Variants in CYB5D2 observed in about 807,000 individuals in gnomAD.
CYB5D2 encodes the protein cytochrome b5 domain containing 2.
In CYB5D2, 23 loss-of-function variants were observed where a neutral mutation model predicts 22.8. That is an observed-to-expected ratio of 1.01 (90% CI 0.73 to 1.43). The LOEUF (loss-of-function observed/expected upper bound fraction) is 1.43. CYB5D2 is among the 40% of genes most tolerant of loss of function. The probability of loss-of-function intolerance (pLI) is 0.00; values close to 1 mark genes in which losing one functional copy is unlikely to be tolerated. For missense variants in CYB5D2, 373 were observed against 357.2 expected (o/e 1.04, Z -0.36); for synonymous variants, 170 against 152.2 (o/e 1.12, Z -0.86).
chr17:4,152,313 G>A (rs1270912474), intron 2 of CYB5D2, among the ~76,000 whole-genome samples: 4 of 152,180 alleles, frequency 2.6e-5, no homozygotes, highest in Non-Finnish European at 5.9e-5. Flanking sequence ...AGCTCATTCT[G>A]TAGGATAGGG....
At chr17:4,146,722 T>A (rs2058996846) in intron 1 of CYB5D2, among the ~76,000 whole-genome samples, 1 of 151,098 alleles carries the variant, frequency 6.6e-6, no homozygotes, top group South Asian at 2.1e-4. Flanking sequence ...TAGCCAGAAA[T>A]TTGTAAAAAT....
chr17:4,146,158 C>T (rs1178553053), intron 1 of CYB5D2, among the ~76,000 whole-genome samples: 1 of 152,106 alleles, frequency 6.6e-6, no homozygotes, highest in Non-Finnish European at 1.5e-5. Flanking sequence ...TGCGGTGGCG[C>T]AATCTTGGCT....
chr17:4,146,559 T>A (rs112544314), intron 1 of CYB5D2, among the ~76,000 whole-genome samples: 2,716 of 151,826 alleles, frequency 0.018, 37 homozygotes, highest in African/African-American at 0.039. Flanking sequence ...CCTGGCTAAG[T>A]TTTTGTATTT....
Position 4,144,413 on chromosome 17 carries a change from T to C in CYB5D2, c.250+408T>C, listed in dbSNP as rs577773145. The stretch of plus-strand genomic sequence containing the variant: ...CAACCATCTCTTCATTATGCCCTGG[T>C]CCCAAATAATCTTTCTTCCCCCCAC... On this transcript the variant is annotated intron_variant, in intron 1 of 3. Transcript: ENST00000301391. Among the ~76,000 whole-genome samples, 22 of 152,098 alleles carry C rather than the reference T, an allele frequency of 1.4e-4. No homozygotes were observed. The South Asian group carries it at 4.6e-3, about 32-fold the overall frequency.
At position 4,156,967 on chromosome 17, in the gene CYB5D2, G is replaced by A; in HGVS notation, c.680G>A (p.Ser227Asn). 6.2e-7 allele frequency: 1 copy of A among 1,612,880 alleles called. No homozygotes were observed. The change falls in exon 4 of 4, where the codon AGT (serine) becomes AAT (asparagine). Residue 227 changes from serine to asparagine, a missense_variant. Coordinates refer to ENST00000301391, the MANE Select transcript of CYB5D2 (RefSeq NM_144611.4). ...TGTGTGAGAACCACCGGCCCCCCTA[G>A]TGGCCAGATGCCGGACAACCCTCCA... ...CVCVRTTGPPSGQMPDNPPHR... is the reference protein window; with the variant it reads ...CVCVRTTGPPNGQMPDNPPHR...
intron 2 of CYB5D2, among the ~76,000 whole-genome samples, chr17:4,153,414 C>T (rs2059079502): frequency 6.6e-6 from 1 of 152,092 alleles, no homozygotes; most frequent in South Asian, 2.1e-4. Context: ...GGGGACGTAG[C>T]TTGTAAGAGG....
chr17:4,153,132 T>C (rs1391255758), intron 2 of CYB5D2, among the ~76,000 whole-genome samples: 2 of 152,104 alleles, frequency 1.3e-5, no homozygotes, highest in Non-Finnish European at 2.9e-5. Context: ...CATAGACAAG[T>C]AAACAGATTG....
At chr17:4,151,955 G>A (rs527727964) in intron 2 of CYB5D2, among the ~76,000 whole-genome samples, 9 of 150,408 alleles carry the variant, frequency 6.0e-5, no homozygotes, top group South Asian at 2.1e-4. Context: ...GCGATAAGCC[G>A]AGATCACATC....
intron 3 of CYB5D2, 97 bp downstream of exon 3, chr17:4,154,957 T>C: frequency 7.6e-7 from 1 of 1,312,518 alleles, no homozygotes; most frequent in Non-Finnish European, 1.0e-6. Context: ...AATTGATTGT[T>C]AACCCTGGGG....
intron 2 of CYB5D2, among the ~76,000 whole-genome samples, chr17:4,151,851 A>G (rs971530313): frequency 1.3e-5 from 2 of 151,234 alleles, no homozygotes; most frequent in African/African-American, 4.9e-5. Context: ...CTATAAATAC[A>G]AAAAATTAGC....
chr17:4,148,516 CAAAAAAAAAA>C (rs34632039), intron 1 of CYB5D2, among the ~76,000 whole-genome samples: 30,398 of 103,190 alleles, frequency 0.29, 3,317 homozygotes, highest in Middle Eastern at 0.37. Context: ...GACTCAGTCT[CAAAAAAAAAA>C]AAAAAAAAAA....
intron 2 of CYB5D2, 49 bp downstream of exon 2, chr17:4,150,080 T>C: frequency 6.2e-7 from 1 of 1,604,766 alleles, no homozygotes; most frequent in Non-Finnish European, 8.5e-7. Context: ...TGCAGTGTTT[T>C]TAGGGGGCTG....
At chr17:4,151,430 A>T (rs1357735391) in intron 2 of CYB5D2, among the ~76,000 whole-genome samples, 1 of 152,230 alleles carries the variant, frequency 6.6e-6, no homozygotes, top group Non-Finnish European at 1.5e-5. Flanking sequence ...CACACCTGTA[A>T]TCCTAACACT....
intron 3 of CYB5D2, among the ~76,000 whole-genome samples, chr17:4,155,166 G>A (rs1434298694): frequency 6.6e-6 from 1 of 152,178 alleles, no homozygotes; most frequent in Non-Finnish European, 1.5e-5. Flanking sequence ...CCGGGAATGA[G>A]AAGGCACAAG....
chr17:4,143,950 T>A lies in CYB5D2; in HGVS notation c.195T>A (p.Asp65Glu), dbSNP rs1181815042. Residue 65 changes from aspartate (D) to glutamate (E), a missense_variant, in exon 1 of 4, where the codon GAT (aspartate) becomes GAA (glutamate). Transcript: ENST00000301391. ...LYLALLGRVY[D>E]VSSGRRHYEP... ...TGGCGTTGCTCGGCCGTGTCTACGA[T>A]GTGTCCTCCGGCCGGAGGCACTACG... The A allele has an allele frequency of 6.8e-6, 11 of 1,613,232 alleles. No individual in the cohort carries two copies. The East Asian group carries it at 2.5e-4, about 36-fold the overall frequency.
chr17:4,155,162 A>T (rs1035168655), intron 3 of CYB5D2, among the ~76,000 whole-genome samples: 1 of 152,104 alleles, frequency 6.6e-6, no homozygotes, highest in South Asian at 2.1e-4. Context: ...TGACCCGGGA[A>T]TGAGAAGGCA....
chr17:4,153,596 T>C lies in CYB5D2; in HGVS notation c.392-1078T>C, dbSNP rs193016940. Among the ~76,000 whole-genome samples, 92 of 152,250 alleles carry C rather than the reference T, an allele frequency of 6.0e-4. No homozygotes were observed. The East Asian group carries it at 0.013, about 22-fold the overall frequency. On this transcript the variant is annotated intron_variant, in intron 2 of 3. Transcript: ENST00000301391. ...TAGTTGTTTTATGGACAGAGAACTCTAGGAGGGCATGAGCTGACCAGAGAG... is the reference window on the plus strand; with the variant it reads ...TAGTTGTTTTATGGACAGAGAACTCCAGGAGGGCATGAGCTGACCAGAGAG...
Position 4,143,700 on chromosome 17 carries a change from T to A in CYB5D2, c.-56T>A. On this transcript the variant is annotated 5_prime_UTR_variant, in exon 1 of 4. Coordinates refer to ENST00000301391, the MANE Select transcript of CYB5D2 (RefSeq NM_144611.4). ...CGTCACGCTCGGCGTCTCGGCCATCTTAGCTGTAGATAGAGGCGGCAACCT... is the reference window on the plus strand; with the variant it reads ...CGTCACGCTCGGCGTCTCGGCCATCATAGCTGTAGATAGAGGCGGCAACCT... 7 of 1,543,752 alleles carry A rather than the reference T, an allele frequency of 4.5e-6. No individual in the cohort carries two copies. In the South Asian group the frequency reaches 7.4e-5, roughly 16 times the overall value.
chr17:4,147,236 A>C (rs2059002165), intron 1 of CYB5D2, among the ~76,000 whole-genome samples: 1 of 152,076 alleles, frequency 6.6e-6, no homozygotes, highest in Non-Finnish European at 1.5e-5. Flanking sequence ...GCACCACTGC[A>C]CTCCAGCCTG....
Sources: gnomAD v4.1 joint callset for allele counts (sites outside exome capture counted in the v4.1 genomes callset) on GRCh38, gnomAD v4.1.1 for gene constraint, MANE v1.5 for transcripts, NCBI Gene and HGNC (gene_info 2026-07-23, HGNC 2026-07-21) for gene names.